The following CPED1 variants were observed in gnomAD, a reference collection of about 807,000 sequenced individuals.
CPED1 encodes cadherin-like and PC-esterase domain-containing protein 1.
Under a neutral mutation model 128.2 loss-of-function variants are expected in CPED1, and 114 were observed. The observed-to-expected ratio is 0.89, with a 90% CI of 0.76 to 1.04. CPED1 has a LOEUF of 1.04. Ranked by LOEUF, CPED1 falls within the 50% of genes least tolerant of loss-of-function variation. The pLI is 0.00. For missense variants in CPED1, 1,211 were observed against 1,207.1 expected (o/e 1.00, Z -0.05); for synonymous variants, 462 against 426.7 (o/e 1.08, Z -1.02).
At chr7:121,057,851 G>C (rs1793540056) in intron 4 of CPED1, among the ~76,000 whole-genome samples, 1 of 152,170 alleles carries the variant, frequency 6.6e-6, no homozygotes, top group Non-Finnish European at 1.5e-5. Context: ...GGGGAAAATA[G>C]TCGCTAAGTA....
At chr7:121,009,288 A>G (rs1190903625) in intron 2 of CPED1, among the ~76,000 whole-genome samples, 1 of 151,938 alleles carries the variant, frequency 6.6e-6, no homozygotes, top group Non-Finnish European at 1.5e-5. Flanking sequence ...GCAGAGAGAG[A>G]GGCTGAGGAA....
chr7:120,990,706 G>A (rs916611234), intron 2 of CPED1, among the ~76,000 whole-genome samples: 8 of 152,138 alleles, frequency 5.3e-5, no homozygotes, highest in Non-Finnish European at 7.3e-5. Context: ...GTTACAACAA[G>A]TAGTATTGTA....
At chr7:121,290,038 C>T (rs554157934) in intron 22 of CPED1, among the ~76,000 whole-genome samples, 55 of 152,188 alleles carry the variant, frequency 3.6e-4, no homozygotes, top group African/African-American at 8.2e-4. Flanking sequence ...CTCCCACTTA[C>T]GAGTGAGACC....
In CPED1 at chr7:121,136,056, T is replaced by TA; in HGVS notation, c.1670dup (p.Asn557LysfsTer2). 1 of 1,543,494 alleles carries TA rather than the reference T, an allele frequency of 6.5e-7. No homozygotes were observed. The highest frequency in any genetic ancestry group is 8.7e-7 in the Non-Finnish European group (1 of 1,153,136). On this transcript the variant is annotated frameshift_variant, in exon 14 of 23. Coordinates refer to ENST00000310396, the MANE Select transcript of CPED1 (RefSeq NM_024913.5). LOFTEE classifies it high-confidence loss of function. ...TTTTTTTAGCTGCAGTTCCACAAATTAAAAATGAAAATAAAGAAATACATT... is the reference window on the plus strand; with the variant it reads ...TTTTTTTAGCTGCAGTTCCACAAATTAAAAAATGAAAATAAAGAAATACATT...
At chr7:121,100,169 C>G in intron 7 of CPED1, 75 bp downstream of exon 7, 1 of 1,349,072 alleles carries the variant, frequency 7.4e-7, no homozygotes, top group South Asian at 1.3e-5. Context: ...CTGCCATTTT[C>G]CCACCTTTAT....
intron 3 of CPED1, among the ~76,000 whole-genome samples, chr7:121,027,101 A>G (rs1792612145): frequency 6.6e-6 from 1 of 151,286 alleles, no homozygotes; most frequent in Admixed American, 6.6e-5. Context: ...TCAGCATCTC[A>G]AAGTGCTGGG....
At chr7:121,240,810 A>G (rs991313208) in intron 17 of CPED1, among the ~76,000 whole-genome samples, 8 of 148,634 alleles carry the variant, frequency 5.4e-5, no homozygotes, top group Admixed American at 2.7e-4. Context: ...GAAAGGACAC[A>G]CTCTAAGGCC....
At chr7:121,141,951 C>T (rs1351882631) in intron 15 of CPED1, 22 bp from the exon 16 acceptor site, 2 of 1,600,378 alleles carry the variant, frequency 1.2e-6, no homozygotes, top group African/African-American at 1.3e-5. Flanking sequence ...TATTCTATTT[C>T]TCTCTCCCTC....
intron 16 of CPED1, among the ~76,000 whole-genome samples, chr7:121,219,582 G>A (rs1797832504): frequency 6.6e-6 from 1 of 151,860 alleles, no homozygotes; most frequent in Non-Finnish European, 1.5e-5. Context: ...TGAGTTCCTT[G>A]CAGACTAACT....
chr7:121,054,128 A>G (rs921958335), intron 4 of CPED1, among the ~76,000 whole-genome samples: 2 of 152,200 alleles, frequency 1.3e-5, no homozygotes, highest in Admixed American at 1.3e-4. Context: ...CATTGCTACT[A>G]GGGTGTCATT....
intron 14 of CPED1, among the ~76,000 whole-genome samples, chr7:121,139,824 G>T (rs1197254082): frequency 6.6e-6 from 1 of 152,006 alleles, no homozygotes; most frequent in Non-Finnish European, 1.5e-5. Context: ...AGCAAATTCT[G>T]TGTTATCTTT....
intron 5 of CPED1, among the ~76,000 whole-genome samples, chr7:121,094,292 TTTA>T (rs1262511687): frequency 7.9e-5 from 12 of 152,200 alleles, no homozygotes; most frequent in Admixed American, 6.6e-4. Flanking sequence ...TAATTATACT[TTTA>T]TTATTACTTC....
At chr7:121,290,708 T>C (rs999136285) in intron 22 of CPED1, among the ~76,000 whole-genome samples, 6 of 152,254 alleles carry the variant, frequency 3.9e-5, no homozygotes, top group Non-Finnish European at 8.8e-5. Flanking sequence ...TTTAGCCCTT[T>C]GTTAGATGGA....
intron 16 of CPED1, among the ~76,000 whole-genome samples, chr7:121,157,428 G>A (rs1463328845): frequency 6.6e-6 from 1 of 152,098 alleles, no homozygotes; most frequent in Non-Finnish European, 1.5e-5. Context: ...TTGTTAATGG[G>A]GAAGATACCA....
intron 16 of CPED1, among the ~76,000 whole-genome samples, chr7:121,224,302 G>T (rs985475266): frequency 9.8e-5 from 15 of 152,298 alleles, no homozygotes; most frequent in African/African-American, 2.2e-4. Flanking sequence ...GTTCTAACTT[G>T]ATTGCACTGT....
intron 21 of CPED1, among the ~76,000 whole-genome samples, chr7:121,268,337 G>A (rs968962350): frequency 1.3e-5 from 2 of 152,026 alleles, no homozygotes; most frequent in African/African-American, 4.8e-5. Context: ...TTAGGTTACA[G>A]TTCAGAATCA....
intron 16 of CPED1, among the ~76,000 whole-genome samples, chr7:121,183,324 T>C (rs1316810267): frequency 1.3e-5 from 2 of 152,196 alleles, no homozygotes; most frequent in Non-Finnish European, 2.9e-5. Context: ...TTTCAAAACA[T>C]TTGAAATCTA....
chr7:121,183,910 T>C (rs7805735), intron 16 of CPED1, among the ~76,000 whole-genome samples: 94,327 of 151,888 alleles, frequency 0.62, 29,629 homozygotes, highest in East Asian at 0.88. Context: ...AAGGCTGAGG[T>C]GGGCAGATTA....
intron 16 of CPED1, among the ~76,000 whole-genome samples, chr7:121,143,329 A>G (rs1405335759): frequency 2.0e-5 from 3 of 152,054 alleles, no homozygotes; most frequent in African/African-American, 4.8e-5. Flanking sequence ...AACCTCTAAT[A>G]TAGTAATTTA....
Sources: gnomAD v4.1 joint callset for allele counts (sites outside exome capture counted in the v4.1 genomes callset) on GRCh38, gnomAD v4.1.1 for gene constraint, MANE v1.5 for transcripts, NCBI Gene and HGNC (gene_info 2026-07-23, HGNC 2026-07-21) for gene names.